The following ST6GALNAC5 variants were observed in gnomAD, a reference collection of about 807,000 sequenced individuals.
The protein encoded by ST6GALNAC5 is alpha-N-acetylgalactosaminide alpha-2,6-sialyltransferase 5.
Under a neutral mutation model 33.6 loss-of-function variants are expected in ST6GALNAC5, and 27 were observed. That is an observed-to-expected ratio of 0.80 (90% CI 0.59 to 1.11). The LOEUF is 1.11. Ranked by LOEUF, ST6GALNAC5 falls within the 50% of genes least tolerant of loss-of-function variation. The pLI, the probability that ST6GALNAC5 is intolerant of heterozygous loss-of-function variation, is 0.00. For synonymous variants in ST6GALNAC5, 194 were observed against 171.2 expected (o/e 1.13, Z -1.04); for missense variants, 428 against 454.0 (o/e 0.94, Z 0.52).
At chr1:76,922,907 G>A (rs1647048240) in intron 2 of ST6GALNAC5, among the ~76,000 whole-genome samples, 1 of 150,028 alleles carries the variant, frequency 6.7e-6, no homozygotes, top group East Asian at 2.0e-4. Flanking sequence ...CTACACTCCC[G>A]CCTAGGTGAC....
intron 4 of ST6GALNAC5, among the ~76,000 whole-genome samples, chr1:77,057,553 G>T (rs1387133882): frequency 2.0e-5 from 3 of 152,158 alleles, no homozygotes; most frequent in Non-Finnish European, 2.9e-5. Flanking sequence ...GGTGGGAGGA[G>T]GTAGCAAGGT....
In ST6GALNAC5 at chr1:76,988,241, G is replaced by A. The variant is rs1298309413; in HGVS notation, c.262-55963G>A. Among the ~76,000 whole-genome samples, 4 of 151,800 alleles carry A rather than the reference G, an allele frequency of 2.6e-5. No homozygotes were observed. In the East Asian group the frequency reaches 7.7e-4, roughly 29 times the overall value. ...GAAGTTGTGACTGGTTTTTATTTATGCTATCTACTTCACTGAAAATTTTTC... is the reference window on the plus strand; with the variant it reads ...GAAGTTGTGACTGGTTTTTATTTATACTATCTACTTCACTGAAAATTTTTC... On this transcript the variant is annotated intron_variant, in intron 2 of 4. Transcript: ENST00000477717.
intron 2 of ST6GALNAC5, among the ~76,000 whole-genome samples, chr1:77,025,042 A>C (rs1204921609): frequency 6.6e-6 from 1 of 152,168 alleles, no homozygotes; most frequent in Admixed American, 6.5e-5. Context: ...ATAGGCATAA[A>C]CATAATAGGC....
At chr1:77,050,895 A>C (rs1316342145) in intron 4 of ST6GALNAC5, among the ~76,000 whole-genome samples, 1 of 152,232 alleles carries the variant, frequency 6.6e-6, no homozygotes. Context: ...CTCTGTTGCC[A>C]CCTTAACTTT....
At chr1:76,972,626 C>T (rs1016769030) in intron 2 of ST6GALNAC5, among the ~76,000 whole-genome samples, 14 of 151,948 alleles carry the variant, frequency 9.2e-5, no homozygotes, top group Admixed American at 7.9e-4. Context: ...TTTTATAAAC[C>T]TACAAACATA....
At chr1:77,009,043 C>G (rs1650531548) in intron 2 of ST6GALNAC5, among the ~76,000 whole-genome samples, 1 of 152,146 alleles carries the variant, frequency 6.6e-6, no homozygotes, top group Non-Finnish European at 1.5e-5. Flanking sequence ...GGGCTCTTGG[C>G]CACTATTTGA....
intron 2 of ST6GALNAC5, among the ~76,000 whole-genome samples, chr1:76,903,602 A>G (rs1481791993): frequency 6.6e-6 from 1 of 152,218 alleles, no homozygotes. Context: ...TCATAACAGC[A>G]TTATTCATAA....
intron 2 of ST6GALNAC5, among the ~76,000 whole-genome samples, chr1:76,887,379 T>C (rs1653921378): frequency 1.3e-5 from 2 of 152,232 alleles, no homozygotes; most frequent in South Asian, 4.1e-4. Context: ...CATGTTATGG[T>C]TCAGAAGTCT....
rs1005555064 is a variant in ST6GALNAC5, at chr1:77,040,570, A to G, written c.262-3634A>G. On this transcript the variant is annotated intron_variant, in intron 2 of 4. Coordinates refer to ENST00000477717, the MANE Select transcript of ST6GALNAC5 (RefSeq NM_030965.3). ...CAGCTGGCCTGCTCTGGGCAAAGAG[A>G]AAAGAGAGAGCGCCAGGTCCTTGGA... Among the ~76,000 whole-genome samples the G allele has an allele frequency of 1.3e-4, 8 of 59,368 alleles. No individual in the cohort carries two copies. In the Admixed American group the frequency reaches 1.7e-3, roughly 13 times the overall value. The allele number at this position is 59,368 out of a possible 152,430, so 38.9% of individuals were successfully genotyped here. A position where few individuals can be genotyped will look rare whatever the true frequency, so the allele number is the denominator to read the frequency against.
intron 2 of ST6GALNAC5, among the ~76,000 whole-genome samples, chr1:76,947,330 G>C (rs1349465751): frequency 6.6e-6 from 1 of 152,046 alleles, no homozygotes; most frequent in Non-Finnish European, 1.5e-5. Flanking sequence ...ATTTAAATTT[G>C]ATGATAATTA....
chr1:76,980,939 G>C (rs946519990), intron 2 of ST6GALNAC5, among the ~76,000 whole-genome samples: 1 of 152,120 alleles, frequency 6.6e-6, no homozygotes, highest in Non-Finnish European at 1.5e-5. Context: ...AATAACCCAA[G>C]GATTTGGAGA....
chr1:76,897,485 C>A (rs552356317), intron 2 of ST6GALNAC5, among the ~76,000 whole-genome samples: 25 of 152,100 alleles, frequency 1.6e-4, no homozygotes, highest in African/African-American at 5.3e-4. Flanking sequence ...CAGGCTTTAA[C>A]CCTTTCAAAG....
At chr1:76,944,417 G>C (rs1005341025) in intron 2 of ST6GALNAC5, among the ~76,000 whole-genome samples, 1 of 152,006 alleles carries the variant, frequency 6.6e-6, no homozygotes, top group African/African-American at 2.4e-5. Flanking sequence ...GATGAGTACA[G>C]AAAGCTATTT....
intron 2 of ST6GALNAC5, among the ~76,000 whole-genome samples, chr1:76,905,485 C>T (rs1206448937): frequency 3.9e-5 from 6 of 152,172 alleles, no homozygotes; most frequent in Non-Finnish European, 8.8e-5. Flanking sequence ...GGGAAGGGAA[C>T]AGCGTATTTC....
intron 2 of ST6GALNAC5, among the ~76,000 whole-genome samples, chr1:77,007,199 A>T (rs1650455433): frequency 6.6e-6 from 1 of 152,044 alleles, no homozygotes; most frequent in Admixed American, 6.6e-5. Flanking sequence ...CCACAACTTA[A>T]CTGCTTGATT....
In ST6GALNAC5 at chr1:77,044,596, GGAGA is replaced by G; in HGVS notation, c.655_658del (p.Glu219LeufsTer19). The G allele has an allele frequency of 6.4e-7, 1 of 1,559,662 alleles. No homozygotes were observed. The highest frequency in any genetic ancestry group is 1.2e-5 in the South Asian group (1 of 82,434). On this transcript the variant is annotated frameshift_variant, in exon 3 of 5. Transcript: ENST00000477717. LOFTEE classifies it high-confidence loss of function. ...TGCAGTTTGATGAGCTCTTCAAGCA[GGAGA>G]CTGGCAAAGACAGGTACAAAGGCAC...
intron 2 of ST6GALNAC5, among the ~76,000 whole-genome samples, chr1:77,030,564 C>T (rs147420274): frequency 5.3e-5 from 8 of 152,256 alleles, no homozygotes; most frequent in African/African-American, 1.9e-4. Flanking sequence ...GGAATCCAGA[C>T]ATGAACAGAG....
intron 2 of ST6GALNAC5, among the ~76,000 whole-genome samples, chr1:77,021,929 A>G (rs1159404789): frequency 6.6e-6 from 1 of 152,188 alleles, no homozygotes; most frequent in Non-Finnish European, 1.5e-5. Flanking sequence ...CCATGTAATC[A>G]CACCTCCTAA....
chr1:76,922,914 T>C (rs578173285), intron 2 of ST6GALNAC5, among the ~76,000 whole-genome samples: 5 of 146,420 alleles, frequency 3.4e-5, no homozygotes, highest in Non-Finnish European at 6.0e-5. Flanking sequence ...CCCGCCTAGG[T>C]GACAGAGTGA....
Sources: allele counts gnomAD v4.1 joint callset (sites outside exome capture counted in the v4.1 genomes callset), GRCh38; gene constraint gnomAD v4.1.1; transcripts MANE v1.5; gene names NCBI Gene and HGNC (gene_info 2026-07-23, HGNC 2026-07-21).